NOX5: variants seen among roughly 807,000 people sequenced by gnomAD.
NOX5 encodes NADPH oxidase 5.
Under a neutral mutation model 85.7 loss-of-function variants are expected in NOX5, and 76 were observed. The observed-to-expected ratio is 0.89, with a 90% confidence interval of 0.74 to 1.07. The LOEUF is 1.07. Ranked by LOEUF, NOX5 falls within the 50% of genes least tolerant of loss-of-function variation. The probability of loss-of-function intolerance (pLI) is 0.00; values close to 1 mark genes in which losing one functional copy is unlikely to be tolerated. For synonymous variants in NOX5, 405 were observed against 401.4 expected (o/e 1.01, Z -0.11); for missense variants, 973 against 999.5 (o/e 0.97, Z 0.36).
rs762907300 is a variant in NOX5, at chr15:69,031,769, G to T, written c.577G>T (p.Glu193Ter). 1.9e-6 allele frequency: 3 copies of T among 1,606,894 alleles called. No individual in the cohort carries two copies. The highest frequency in any genetic ancestry group is 2.6e-6 in the Non-Finnish European group (3 of 1,174,888). ...GAITFEELRD[E>*]LQRFPGVMEN... ...CATCACCTTCGAGGAGCTCCGGGACGAGCTGCAGCGCTTCCCCGGAGTCAT... is the reference window on the plus strand; with the variant it reads ...CATCACCTTCGAGGAGCTCCGGGACTAGCTGCAGCGCTTCCCCGGAGTCAT... The change falls in exon 4 of 16, where the codon GAG (glutamate) becomes TAG (stop). Residue 193 changes from glutamate (E) to a stop codon, truncating the protein, a stop_gained. Coordinates refer to ENST00000388866, the MANE Select transcript of NOX5 (RefSeq NM_024505.4). LOFTEE classifies it high-confidence loss of function.
intron 13 of NOX5, 136 bp downstream of exon 13, chr15:69,048,047 C>G (rs2140277384): frequency 7.0e-6 from 5 of 710,462 alleles, no homozygotes; most frequent in Non-Finnish European, 1.2e-5. Context: ...CCACAATACC[C>G]TGAATTCTCT....
Position 69,033,027 on chromosome 15 carries a change from C to T in NOX5, c.621-16C>T. On this transcript the variant is annotated splice_polypyrimidine_tract_variant and intron_variant, in intron 4 of 15. Coordinates refer to ENST00000388866, the MANE Select transcript of NOX5 (RefSeq NM_024505.4). Reference sequence around the variant, plus strand: ...CCCCACCGCTCGCCTCTGAGCGGAACCCGCCTCTCTCGCAGCGCTGCCCAC... The same window carrying T: ...CCCCACCGCTCGCCTCTGAGCGGAATCCGCCTCTCTCGCAGCGCTGCCCAC... The T allele has an allele frequency of 6.5e-7, 1 of 1,546,768 alleles. No homozygotes were observed. The highest frequency in any genetic ancestry group is 8.6e-7 in the Non-Finnish European group (1 of 1,161,858).
chr15:69,056,844 A>C lies in NOX5; in HGVS notation c.*148A>C. On this transcript the variant is annotated 3_prime_UTR_variant, in exon 16 of 16. Coordinates refer to ENST00000388866, the MANE Select transcript of NOX5 (RefSeq NM_024505.4). ...CCTAATCCTGCTCAACAGAGAGAAC[A>C]GGAGACCCCAAGGGGCAGATGAACT... The C allele has an allele frequency of 1.0e-6, 1 of 971,302 alleles. No individual in the cohort carries two copies. The highest frequency in any genetic ancestry group is 1.8e-5 in the South Asian group (1 of 55,236). 60.2% of individuals were successfully genotyped at this position (971,302 alleles called of 1,614,324 possible).
At chr15:69,033,353 C>T (rs1595777287) in intron 5 of NOX5, 76 bp downstream of exon 5, 25 of 1,455,700 alleles carry the variant, frequency 1.7e-5, no homozygotes, top group Non-Finnish European at 2.3e-5. Flanking sequence ...ACAGAGCGAC[C>T]CACAGAGGAC....
chr15:69,056,003 G>A (rs1033246472), intron 15 of NOX5, among the ~76,000 whole-genome samples: 19 of 152,188 alleles, frequency 1.2e-4, no homozygotes, highest in Admixed American at 4.6e-4. Flanking sequence ...TGCTGCAGAT[G>A]ACCCCATGCC....
At chr15:69,016,658 C>G (rs1187443055) in intron 1 of NOX5, among the ~76,000 whole-genome samples, 1 of 152,164 alleles carries the variant, frequency 6.6e-6, no homozygotes, top group Non-Finnish European at 1.5e-5. Flanking sequence ...ACCTAATCAT[C>G]ATGTGCTAGA....
At chr15:69,048,352 G>A (rs2050702591) in intron 13 of NOX5, among the ~76,000 whole-genome samples, 1 of 152,080 alleles carries the variant, frequency 6.6e-6, no homozygotes, top group Non-Finnish European at 1.5e-5. Context: ...GGGCAACATG[G>A]CGAAACCCCA....
rs185800999 is a variant in NOX5 at position 69,058,410 on chromosome 15, A to T, written c.*1714A>T. 6.5e-6 allele frequency: 1 copy of T among 153,068 alleles called. No individual in the cohort carries two copies. Among genetic ancestry groups the T allele is most frequent in the East Asian group, 1.9e-4 (1 of 5,180 alleles). The allele number at this position is 153,068 out of a possible 1,614,324, so 9.5% of individuals were successfully genotyped here. A position where few individuals can be genotyped will look rare whatever the true frequency, so the allele number is the denominator to read the frequency against. ...AAGGGGATGGTGGAGGAAGACGCTG[A>T]GGCAGGCCCTGGGAAGGGGAAGGCA... On this transcript the variant is annotated 3_prime_UTR_variant, in exon 16 of 16. Coordinates refer to ENST00000388866, the MANE Select transcript of NOX5 (RefSeq NM_024505.4).
intron 1 of NOX5, chr15:69,023,011 G>A: frequency 2.0e-6 from 1 of 498,780 alleles, no homozygotes; most frequent in Non-Finnish European, 4.1e-6. Context: ...TCACAAAGAG[G>A]AATGTTCCAT....
rs773236709 is a variant in NOX5, at chr15:69,055,357, T to C, written c.2023T>C (p.Tyr675His). The C allele has an allele frequency of 3.1e-6, 5 of 1,614,094 alleles. No individual in the cohort carries two copies. The African/African-American group carries it at 4.0e-5, about 13-fold the overall frequency. The change falls in exon 15 of 16, where the codon TAC (tyrosine) becomes CAC (histidine). Residue 675 changes from tyrosine (Y) to histidine (H), a missense_variant. By Grantham distance (83) the Tyr-to-His change is moderately conservative. Coordinates refer to ENST00000388866, the MANE Select transcript of NOX5 (RefSeq NM_024505.4). ...AGGCCGCTTCCTGGAGCTGCATATGTACATGACATCTGCACTGGGCAAGAA... is the reference window on the plus strand; with the variant it reads ...AGGCCGCTTCCTGGAGCTGCATATGCACATGACATCTGCACTGGGCAAGAA... ...QYGRFLELHMYMTSALGKNDM... is the reference protein window; with the variant it reads ...QYGRFLELHMHMTSALGKNDM...
intron 9 of NOX5, among the ~76,000 whole-genome samples, chr15:69,040,018 T>C (rs2050573751): frequency 6.6e-6 from 1 of 152,228 alleles, no homozygotes; most frequent in Non-Finnish European, 1.5e-5. Flanking sequence ...CCCTGGGTGC[T>C]GGGGGTTCTC....
Position 69,056,983 on chromosome 15 carries a change from C to T in NOX5, c.*287C>T, listed in dbSNP as rs1202363082. ...GTCACGGGAGCTTGGGGGTGGGGTT[C>T]GAGGGGGCAGAGGGCAACCACTCCT... On this transcript the variant is annotated 3_prime_UTR_variant, in exon 16 of 16. Transcript: ENST00000388866. 3 of 262,050 alleles carry T rather than the reference C, an allele frequency of 1.1e-5. No individual in the cohort carries two copies. Among genetic ancestry groups the T allele is most frequent in the East Asian group, 7.8e-5 (1 of 12,898 alleles). The allele number at this position is 262,050 out of a possible 1,614,324, so 16.2% of individuals were successfully genotyped here. A position where few individuals can be genotyped will look rare whatever the true frequency, so the allele number is the denominator to read the frequency against.
At chr15:69,050,407 T>C (rs1439087066) in intron 14 of NOX5, among the ~76,000 whole-genome samples, 4 of 152,112 alleles carry the variant, frequency 2.6e-5, no homozygotes, top group African/African-American at 9.7e-5. Context: ...GGTGAGAAAC[T>C]CTTTTGGCTT....
At position 69,035,864 on chromosome 15, in the gene NOX5, C is replaced by T. The variant is rs775786754; in HGVS notation, c.1116C>T (p.Val372=). ...ACGGTTCGGCCTCCCCGACAGGTGT[C>T]GCTCTGCTGCTGCTGCTCCTCCTCA... ...WVHGSASPTG[V]ALLLLLLLMF... Residue 372 remains valine (V), a synonymous_variant, in exon 7 of 16, where the codon GTC becomes GTT. Coordinates refer to ENST00000388866, the MANE Select transcript of NOX5 (RefSeq NM_024505.4). 9.3e-6 allele frequency: 15 copies of T among 1,614,114 alleles called. No individual in the cohort carries two copies. Among genetic ancestry groups the T allele is most frequent in the East Asian group, 2.2e-5 (1 of 44,882 alleles).
At position 69,060,303 on chromosome 15, in the gene NOX5, G is replaced by A. The variant is rs1021819305; in HGVS notation, c.*3607G>A. Reference sequence around the variant, plus strand: ...CAAGGTTGAAGGTAGGGAGGGATGAGGAACATTAGCCGAGACTGGCTCTGG... The same window carrying A: ...CAAGGTTGAAGGTAGGGAGGGATGAAGAACATTAGCCGAGACTGGCTCTGG... On this transcript the variant is annotated 3_prime_UTR_variant, in exon 16 of 16. Transcript: ENST00000388866. 1 of 152,358 alleles carries A rather than the reference G, an allele frequency of 6.6e-6. No individual in the cohort carries two copies. The highest frequency in any genetic ancestry group is 2.1e-4 in the South Asian group (1 of 4,838). 9.4% of individuals were successfully genotyped at this position (152,358 alleles called of 1,614,324 possible).
At chr15:69,018,249 A>AGGGCC (rs2140243879) in intron 1 of NOX5, among the ~76,000 whole-genome samples, 1 of 152,150 alleles carries the variant, frequency 6.6e-6, no homozygotes, top group Non-Finnish European at 1.5e-5. Context: ...AGGAGGCTGC[A>AGGGCC]GGGCCAGGCC....
At chr15:69,050,078 A>G (rs929678090) in intron 14 of NOX5, among the ~76,000 whole-genome samples, 4 of 152,228 alleles carry the variant, frequency 2.6e-5, no homozygotes, top group South Asian at 2.1e-4. Flanking sequence ...ATGGAATCAT[A>G]TAATACGTAG....
At chr15:69,024,425 T>C (rs1237481385) in intron 1 of NOX5, among the ~76,000 whole-genome samples, 2 of 152,094 alleles carry the variant, frequency 1.3e-5, no homozygotes, top group Non-Finnish European at 2.9e-5. Context: ...GATGAAATCT[T>C]GAGCCTTTCT....
Position 69,033,137 on chromosome 15 carries a change from CTGTTCT to C in NOX5, c.716_721del (p.Leu239_Cys241delinsArg). 5.1e-6 allele frequency: 8 copies of C among 1,569,604 alleles called. No homozygotes were observed. Among genetic ancestry groups the C allele is most frequent in the Non-Finnish European group, 6.9e-6 (8 of 1,164,062 alleles). On this transcript the variant is annotated inframe_deletion, in exon 5 of 16. Coordinates refer to ENST00000388866, the MANE Select transcript of NOX5 (RefSeq NM_024505.4). ...CTACTGGCACAACCACCGCAGCCAG[CTGTTCT>C]GCCTGGCCACCTATGCAGGCCTCCA...
Sources: gnomAD v4.1 joint callset for allele counts (sites outside exome capture counted in the v4.1 genomes callset) on GRCh38, gnomAD v4.1.1 for gene constraint, MANE v1.5 for transcripts, NCBI Gene and HGNC (gene_info 2026-07-23, HGNC 2026-07-21) for gene names.